Variants in STK3 observed in about 807,000 individuals in gnomAD.
STK3 encodes the protein serine/threonine kinase 3, also known as serine/threonine-protein kinase 3.
Under a neutral mutation model 58.0 loss-of-function variants are expected in STK3, and 41 were observed. The observed-to-expected ratio is 0.71, with a 90% CI of 0.55 to 0.92. The LOEUF (loss-of-function observed/expected upper bound fraction) is 0.92. Among genes scored for constraint, STK3 ranks in the 40% least tolerant of loss-of-function variants. The probability of loss-of-function intolerance (pLI) is 0.00; values close to 1 mark genes in which losing one functional copy is unlikely to be tolerated. For missense variants in STK3, 479 were observed against 602.7 expected, an observed-to-expected ratio of 0.79 and a Z score of 2.15; for synonymous variants, 170 against 191.0, an observed-to-expected ratio of 0.89 and a Z score of 0.91.
At chr8:98,446,731 T>C (rs1394136810) in intron 1 of STK3, among the ~76,000 whole-genome samples, 2 of 152,152 alleles carry the variant, frequency 1.3e-5, no homozygotes, top group African/African-American at 4.8e-5. Flanking sequence ...GCAATCCCAT[T>C]ACTGGGTTTA....
chr8:98,718,587 C>T (rs529193122), intron 4 of STK3, among the ~76,000 whole-genome samples: 78 of 152,126 alleles, frequency 5.1e-4, no homozygotes, highest in Middle Eastern at 3.4e-3. Flanking sequence ...TTCAGTTATG[C>T]TATAAATGTA....
At chr8:98,816,806 T>C (rs1564029030) in intron 1 of STK3, among the ~76,000 whole-genome samples, 1 of 152,158 alleles carries the variant, frequency 6.6e-6, no homozygotes, top group African/African-American at 2.4e-5. Context: ...AGTGCTGGGA[T>C]TACAGGTGTG....
At chr8:98,433,673 C>A (rs999311933) in intron 3 of STK3, among the ~76,000 whole-genome samples, 2 of 152,200 alleles carry the variant, frequency 1.3e-5, no homozygotes, top group Non-Finnish European at 2.9e-5. Flanking sequence ...TCTCTATGTC[C>A]TCATTCTAGC....
At chr8:98,604,756 T>C (rs1487826318) in intron 6 of STK3, among the ~76,000 whole-genome samples, 1 of 152,144 alleles carries the variant, frequency 6.6e-6, no homozygotes, top group Non-Finnish European at 1.5e-5. Flanking sequence ...GGCTACAAAA[T>C]TTTCAACTTT....
chr8:98,517,867 T>C (rs1825052753), intron 10 of STK3, among the ~76,000 whole-genome samples: 2 of 152,090 alleles, frequency 1.3e-5, no homozygotes, highest in Non-Finnish European at 1.5e-5. Context: ...ATCACCCCAA[T>C]AGTCCCCAGT....
intron 10 of STK3, among the ~76,000 whole-genome samples, chr8:98,502,353 A>G (rs1273099920): frequency 6.6e-6 from 1 of 152,010 alleles, no homozygotes; most frequent in East Asian, 1.9e-4. Context: ...GTCTGCAAAC[A>G]GGGACAATTT....
chr8:98,440,602 TACAGTGCAAAAA>T (rs1185754458), intron 1 of STK3, among the ~76,000 whole-genome samples: 1 of 152,048 alleles, frequency 6.6e-6, no homozygotes, highest in Non-Finnish European at 1.5e-5. Flanking sequence ...TAACCAGTGG[TACAGTGCAAAAA>T]ACTTACATAA....
intron 1 of STK3, among the ~76,000 whole-genome samples, chr8:98,791,525 C>A (rs886351369): frequency 2.0e-5 from 3 of 152,108 alleles, no homozygotes; most frequent in Non-Finnish European, 4.4e-5. Flanking sequence ...CAAGACTAAG[C>A]AAAAAGAACA....
chr8:98,627,577 G>A (rs866082581), intron 6 of STK3, among the ~76,000 whole-genome samples: 23 of 151,394 alleles, frequency 1.5e-4, no homozygotes, highest in Non-Finnish European at 2.8e-4. Context: ...ATCACCATGT[G>A]ACATACTCAT....
intron 3 of STK3, among the ~76,000 whole-genome samples, chr8:98,756,727 T>C (rs1488344803): frequency 6.6e-6 from 1 of 152,222 alleles, no homozygotes; most frequent in African/African-American, 2.4e-5. Flanking sequence ...CGACTGCCCC[T>C]CTCAGGGTAA....
In STK3 at chr8:98,596,072, T is replaced by C. The variant is rs1815803151; in HGVS notation, c.782A>G (p.Lys261Arg). ...FTDFVKKCLV[K>R]NPEQRATATQ... The stretch of plus-strand genomic sequence containing the variant: ...TGCAGTAGCTCTCTGCTCAGGATTC[T>C]TCACCAAACACTTTTTAACAAAATC... Residue 261 changes from lysine (K) to arginine (R), a missense_variant, in exon 7 of 11, where the codon AAG (lysine) becomes AGG (arginine). By Grantham distance (26) the Lys-to-Arg change is conservative. This residue lies in a region of STK3 where 309 missense variants were observed against 355.7 expected (regional missense o/e 0.87). Coordinates refer to ENST00000419617, the MANE Select transcript of STK3 (RefSeq NM_006281.4). 6.2e-7 allele frequency: 1 copy of C among 1,613,288 alleles called. No individual in the cohort carries two copies. Among genetic ancestry groups the C allele is most frequent in the Admixed American group, 1.7e-5 (1 of 59,898 alleles).
At chr8:98,713,196 T>C (rs1259491159) in intron 4 of STK3, among the ~76,000 whole-genome samples, 3 of 152,034 alleles carry the variant, frequency 2.0e-5, no homozygotes, top group African/African-American at 7.2e-5. Context: ...AGATCTAAAA[T>C]TGACACCCTA....
intron 4 of STK3, among the ~76,000 whole-genome samples, chr8:98,726,438 T>G (rs1252159245): frequency 6.6e-6 from 1 of 152,228 alleles, no homozygotes; most frequent in African/African-American, 2.4e-5. Flanking sequence ...TGGCAGCACA[T>G]GACTGCCATG....
intron 10 of STK3, among the ~76,000 whole-genome samples, chr8:98,476,428 C>G (rs938435393): frequency 6.6e-6 from 1 of 152,124 alleles, no homozygotes; most frequent in Admixed American, 6.6e-5. Context: ...TAAAGTTATA[C>G]TTTATATTTA....
At chr8:98,377,207 G>A (rs1333166950) in intron 2 of STK3, among the ~76,000 whole-genome samples, 2 of 152,096 alleles carry the variant, frequency 1.3e-5, no homozygotes, top group African/African-American at 4.8e-5. Context: ...ATCCAATAAG[G>A]TGATATGATA....
chr8:98,413,648 CG>C, intron 3 of STK3: 1 of 783,604 alleles, frequency 1.3e-6, no homozygotes, highest in South Asian at 1.3e-5. Flanking sequence ...CCTCACAAAC[CG>C]TAGAAAAGCA....
At chr8:98,688,241 A>G (rs1824151761) in intron 6 of STK3, among the ~76,000 whole-genome samples, 1 of 152,214 alleles carries the variant, frequency 6.6e-6, no homozygotes, top group African/African-American at 2.4e-5. Context: ...ATATATACAC[A>G]CTCAACACTG....
downstream of STK3, chr8:98,371,334 C>T (rs1423851617): frequency 3.3e-5 from 5 of 152,210 alleles, no homozygotes; most frequent in East Asian, 9.6e-4. Flanking sequence ...CTGTACATAA[C>T]ATAATTTCAC....
upstream of STK3, among the ~76,000 whole-genome samples, chr8:98,388,662 G>GGAATC (rs1785068658): frequency 1.3e-5 from 2 of 152,056 alleles, no homozygotes; most frequent in Non-Finnish European, 2.9e-5. Context: ...AAAGGGGAAG[G>GGAATC]GAATCTAGAA....
Sources: gnomAD v4.1 joint callset for allele counts (sites outside exome capture counted in the v4.1 genomes callset) on GRCh38, gnomAD v4.1.1 for gene constraint, gnomAD v4.1.1 regional missense constraint, MANE v1.5 for transcripts, NCBI Gene and HGNC (gene_info 2026-07-23, HGNC 2026-07-21) for gene names.